Variants in STXBP2 observed in about 807,000 individuals in gnomAD.
STXBP2 encodes the protein syntaxin-binding protein 2.
In STXBP2, 47 loss-of-function variants were observed where a neutral mutation model predicts 72.2. The ratio of observed to expected loss-of-function variants is 0.65; its 90% confidence interval spans 0.51 to 0.83. The LOEUF (loss-of-function observed/expected upper bound fraction) is 0.83, where lower values mean the gene tolerates loss of function less well. Among genes scored for constraint, STXBP2 ranks in the 40% least tolerant of loss-of-function variants. The pLI is 0.00. For missense variants in STXBP2, 702 were observed against 807.6 expected, an observed-to-expected ratio of 0.87 and a Z score of 1.58; for synonymous variants, 367 against 338.7, an observed-to-expected ratio of 1.08 and a Z score of -0.92.
At chr19:7,638,685 A>G (rs754421874) in intron 1 of STXBP2, 41 bp from the exon 2 acceptor site, 1 of 1,611,432 alleles carries the variant, frequency 6.2e-7, no homozygotes, top group Non-Finnish European at 8.5e-7. Flanking sequence ...TGGTGGGACC[A>G]GAGAACCAGC....
At chr19:7,636,845 T>G, upstream of STXBP2, 7 of 341,848 alleles carry the variant, frequency 2.0e-5, no homozygotes, top group Non-Finnish European at 2.6e-5. Flanking sequence ...GATGGAGGGA[T>G]TATTGCCCTG....
intron 13 of STXBP2, among the ~76,000 whole-genome samples, chr19:7,643,660 A>C (rs1257044421): frequency 8.6e-6 from 1 of 116,262 alleles, no homozygotes; most frequent in Non-Finnish European, 1.8e-5. Context: ...GGGACCTGGG[A>C]GAGGAATGGA....
At position 7,641,727 on chromosome 19, in the gene STXBP2, A is replaced by T; in HGVS notation, c.452A>T (p.His151Leu). The T allele has an allele frequency of 4.5e-6, 7 of 1,553,894 alleles. No individual in the cohort carries two copies. Among genetic ancestry groups the T allele is most frequent in the Non-Finnish European group, 6.1e-6 (7 of 1,148,988 alleles). ...CAGGTGTTCTCCCTCGATGCTCCCC[A>T]CAGCACCTACAACCTCTACTGCCCC... ...EAQVFSLDAP[H>L]STYNLYCPFR... The change falls in exon 7 of 19, where the codon CAC becomes CTC. Residue 151 changes from histidine (H) to leucine (L), a missense_variant. Transcript: ENST00000221283.
At chr19:7,636,903 T>C, upstream of STXBP2, 1 of 390,446 alleles carries the variant, frequency 2.6e-6, no homozygotes, top group Non-Finnish European at 4.5e-6. Flanking sequence ...TGAACTCCCA[T>C]CTGTGAGCGT....
upstream of STXBP2, chr19:7,632,042 CAACAGATGTGAGTA>C (rs2031333638): frequency 6.1e-6 from 3 of 493,604 alleles, no homozygotes; most frequent in Non-Finnish European, 7.0e-6. The surrounding 1 kb of genome is among the most constrained non-coding windows in gnomAD (Gnocchi z 5.2). Flanking sequence ...TGTGTGAAGT[CAACAGATGTGAGTA>C]TACAGATGTA....
upstream of STXBP2, chr19:7,632,754 C>T: frequency 6.4e-7 from 1 of 1,567,446 alleles, no homozygotes; most frequent in Non-Finnish European, 8.6e-7. This position sits in a 1 kb window ranked among gnomAD's most constrained non-coding sequence, Gnocchi z 5.2. Context: ...TTGCAGTGAA[C>T]AGCGCTGTCC....
chr19:7,633,795 CAG>C (rs1347456250), upstream of STXBP2: 16 of 349,630 alleles, frequency 4.6e-5, no homozygotes, highest in Non-Finnish European at 1.1e-5. Flanking sequence ...GGGAGGCCAA[CAG>C]TGTAGGGTGG....
Position 7,644,185 on chromosome 19 carries a change from T to TTGGAGAGGTGGGA in STXBP2, c.1108-429_1108-428insTGGAGAGGTGGGA, listed in dbSNP as rs1568469464. Reference sequence around the variant, plus strand: ...TGGGACCTGGGTGAGGGGTGGAGCCTCGGAGAGGTGGGACCTGGGTGAGGT... The same window carrying TTGGAGAGGTGGGA: ...TGGGACCTGGGTGAGGGGTGGAGCCTTGGAGAGGTGGGACGGAGAGGTGGGACCTGGGTGAGGT... On this transcript the variant is annotated intron_variant, in intron 13 of 18. Transcript: ENST00000221283. Among the ~76,000 whole-genome samples the TTGGAGAGGTGGGA allele has an allele frequency of 5.6e-4, 52 of 93,668 alleles. 3 individuals carry two copies. Among genetic ancestry groups the TTGGAGAGGTGGGA allele is most frequent in the Admixed American group, 1.4e-3 (14 of 9,838 alleles). The allele number at this position is 93,668 out of a possible 152,430, so 61.4% of individuals were successfully genotyped here. A position where few individuals can be genotyped will look rare whatever the true frequency, so the allele number is the denominator to read the frequency against.
the STXBP2 span, chr19:7,631,742 C>T: frequency 1.9e-5 from 28 of 1,440,696 alleles, no homozygotes; most frequent in Non-Finnish European, 2.2e-5. Context: ...AAGCCGAGAG[C>T]GGTCGGGTCC....
intron 15 of STXBP2, 40 bp from the exon 16 acceptor site, chr19:7,646,209 C>A: frequency 1.3e-6 from 2 of 1,546,784 alleles, no homozygotes; most frequent in Admixed American, 1.9e-5. Context: ...CAGCCTCCTT[C>A]CCCTCAATCC....
chr19:7,646,374 A>G (rs1482628090), intron 16 of STXBP2, 30 bp downstream of exon 16: 1 of 1,573,940 alleles, frequency 6.4e-7, no homozygotes, highest in East Asian at 2.3e-5. Flanking sequence ...GGTGGGGGCC[A>G]GCCCTCCGCA....
upstream of STXBP2, among the ~76,000 whole-genome samples, chr19:7,634,206 C>G (rs540194448): frequency 1.4e-4 from 21 of 152,186 alleles, no homozygotes; most frequent in African/African-American, 4.8e-4. Flanking sequence ...CAGAGGCAGG[C>G]GGGGAGAGGA....
At position 7,647,356 on chromosome 19, in the gene STXBP2, C is replaced by T. The variant is rs1395351218; in HGVS notation, c.1541C>T (p.Ala514Val). ...CTTTCTGCCCCTGCCCTGCACAGTG[C>T]CCGCTTCGGTCACTGGCACAAGAAC... ...PTASSQAAVSARFGHWHKNKA... is the reference protein window; with the variant it reads ...PTASSQAAVSVRFGHWHKNKA... Residue 514 changes from alanine (A) to valine (V), a missense_variant and splice_region_variant, in exon 18 of 19, where the codon GCC becomes GTC. Transcript: ENST00000221283. 1.2e-6 allele frequency: 2 copies of T among 1,613,146 alleles called. No individual in the cohort carries two copies. Among genetic ancestry groups the T allele is most frequent in the Admixed American group, 1.7e-5 (1 of 60,032 alleles).
chr19:7,646,389 CTGG>C (rs2032140690), intron 16 of STXBP2, 45 bp downstream of exon 16: 1 of 1,542,056 alleles, frequency 6.5e-7, no homozygotes, highest in Admixed American at 1.9e-5. Context: ...TCCGCATCGG[CTGG>C]CGGCTCAGCC....
rs2031948696 is a variant in STXBP2, at chr19:7,642,804, A to G, written c.941A>G (p.Lys314Arg). ...TELLRTFCES[K>R]RLTTDKANIK... ...CTCCTGAGGACCTTCTGTGAGAGCA[A>G]GAGGCTGACCACGGACAAGGTAGGG... is the stretch of plus-strand genomic sequence containing the variant. The change falls in exon 11 of 19, where the codon AAG becomes AGG. Residue 314 changes from lysine (K) to arginine (R), a missense_variant. By Grantham distance (26) the Lys-to-Arg change is conservative (BLOSUM62 2). Coordinates refer to ENST00000221283, the MANE Select transcript of STXBP2 (RefSeq NM_006949.4). This position sits in a 1 kb window ranked among gnomAD's most constrained non-coding sequence, Gnocchi z 6.0. 1 of 1,613,946 alleles carries G rather than the reference A, an allele frequency of 6.2e-7. No individual in the cohort carries two copies. Among genetic ancestry groups the G allele is most frequent in the Non-Finnish European group, 8.5e-7 (1 of 1,180,018 alleles).
At chr19:7,636,281 G>T (rs2031530294), upstream of STXBP2, 2 of 152,114 alleles carry the variant, frequency 1.3e-5, no homozygotes, top group Admixed American at 1.3e-4. Flanking sequence ...CCTTAAATCG[G>T]AGACCTCATT....
rs879067264 is a variant in STXBP2, at chr19:7,644,595, G to T, written c.1108-19G>T. The stretch of plus-strand genomic sequence containing the variant: ...CCTGACACATAGCGGCCGGTGGACG[G>T]CTGACCCCATGCCCGCAGGACCTGG... On this transcript the variant is annotated intron_variant, in intron 13 of 18. Coordinates refer to ENST00000221283, the MANE Select transcript of STXBP2 (RefSeq NM_006949.4). 11 of 1,610,170 alleles carry T rather than the reference G, an allele frequency of 6.8e-6. No homozygotes were observed. The African/African-American group carries it at 1.5e-4, about 22-fold the overall frequency.
At chr19:7,641,132 G>C (rs2146214528) in intron 6 of STXBP2, 129 bp downstream of exon 6, 1 of 967,574 alleles carries the variant, frequency 1.0e-6, no homozygotes, top group East Asian at 2.6e-5. Flanking sequence ...TGGGAGGCCA[G>C]GGCAGGAGGA....
chr19:7,631,399 C>CGGGGGGGGG, the STXBP2 span: 25 of 583,946 alleles, frequency 4.3e-5, no homozygotes, highest in Non-Finnish European at 4.9e-5. Flanking sequence ...GAGAGGTGGG[C>CGGGGGGGGG]GGGGGGGGGT....
Sources: allele counts gnomAD v4.1 joint callset (sites outside exome capture counted in the v4.1 genomes callset), GRCh38; gene constraint gnomAD v4.1.1; non-coding constraint Gnocchi (gnomAD v3.1); transcripts MANE v1.5; gene names NCBI Gene and HGNC (gene_info 2026-07-23, HGNC 2026-07-21).